The following ZFYVE16 variants were observed in gnomAD, a reference collection of about 807,000 sequenced individuals.
The protein encoded by ZFYVE16 is zinc finger FYVE domain-containing protein 16.
In ZFYVE16, 89 loss-of-function variants were observed where a neutral mutation model predicts 138.1. That is an observed-to-expected ratio of 0.64 (90% CI 0.54 to 0.77). ZFYVE16 has a LOEUF of 0.77. ZFYVE16 is among the 30% of genes least tolerant of loss of function. ZFYVE16 has a pLI of 0.00. For synonymous variants in ZFYVE16, 596 were observed against 618.3 expected (o/e 0.96, Z 0.53); for missense variants, 1,793 against 1,786.7 (o/e 1.00, Z -0.06).
chr5:80,459,338 C>T, intron 14 of ZFYVE16, 76 bp from the exon 15 acceptor site: 1 of 1,267,568 alleles, frequency 7.9e-7, no homozygotes, highest in South Asian at 1.3e-5. Context: ...TATGCATATC[C>T]ACATTCTGCA....
chr5:80,435,200 A>C (rs1749707535), intron 3 of ZFYVE16, among the ~76,000 whole-genome samples: 1 of 152,038 alleles, frequency 6.6e-6, no homozygotes, highest in Non-Finnish European at 1.5e-5. Flanking sequence ...ATGCCCAGCT[A>C]ATTTTTGTAT....
chr5:80,414,490 C>T (rs1325772823), intron 1 of ZFYVE16, among the ~76,000 whole-genome samples: 1 of 152,152 alleles, frequency 6.6e-6, no homozygotes, highest in South Asian at 2.1e-4. Context: ...GAATGGGATG[C>T]ACATATTTTG....
rs1353115569 is a variant in ZFYVE16, at chr5:80,478,401, A to G, written c.*1024A>G. 6.6e-6 allele frequency: 1 copy of G among 152,078 alleles called. No homozygotes were observed. The highest frequency in any genetic ancestry group is 1.5e-5 in the Non-Finnish European group (1 of 67,954). 9.4% of individuals were successfully genotyped at this position (152,078 alleles called of 1,614,324 possible). A position where few individuals can be genotyped will look rare whatever the true frequency, so the allele number is the denominator to read the frequency against. On this transcript the variant is annotated 3_prime_UTR_variant, in exon 19 of 19. Transcript: ENST00000505560. ...AACTAATTACTTTTGCATATTTTAA[A>G]TTCTTTATATGGTAGTTATTTTTTA... is the stretch of plus-strand genomic sequence containing the variant.
chr5:80,475,084 C>G (rs1040553561), intron 18 of ZFYVE16, among the ~76,000 whole-genome samples: 10 of 152,142 alleles, frequency 6.6e-5, no homozygotes, highest in African/African-American at 9.7e-5. Flanking sequence ...TCAACACTAC[C>G]ATTATATTGG....
rs1025299585 is a variant in ZFYVE16 at position 80,438,291 on chromosome 5, T to C, written c.1606T>C (p.Phe536Leu). ...AATTAGTGATGCTGAACTTGATGCC[T>C]TTCTGACAGAACAGTATCTTCAGAC... ...PLISDAELDA[F>L]LTEQYLQTTN... The change falls in exon 4 of 19, where the codon TTT (phenylalanine) becomes CTT (leucine). Residue 536 changes from phenylalanine (F) to leucine (L), a missense_variant. By Grantham distance (22) the Phe-to-Leu change is conservative. Transcript: ENST00000505560. 4 of 1,613,968 alleles carry C rather than the reference T, an allele frequency of 2.5e-6. No individual in the cohort carries two copies. The highest frequency in any genetic ancestry group is 3.4e-6 in the Non-Finnish European group (4 of 1,179,980).
chr5:80,463,921 A>G (rs535307279), intron 15 of ZFYVE16, among the ~76,000 whole-genome samples: 1 of 152,288 alleles, frequency 6.6e-6, no homozygotes, highest in African/African-American at 2.4e-5. Context: ...AGTCACCTTT[A>G]TTCTAGTTCC....
intron 10 of ZFYVE16, 64 bp from the exon 11 acceptor site, chr5:80,451,419 AAG>A: frequency 7.5e-7 from 1 of 1,332,978 alleles, no homozygotes; most frequent in Non-Finnish European, 1.0e-6. Context: ...TGGACAAACT[AAG>A]AACATTTCTT....
chr5:80,419,679 T>G (rs1746796908), intron 1 of ZFYVE16, among the ~76,000 whole-genome samples: 1 of 150,066 alleles, frequency 6.7e-6, no homozygotes, highest in Non-Finnish European at 1.5e-5. Flanking sequence ...GCCTGGCTGA[T>G]TCTTTCTCTT....
At position 80,410,863 on chromosome 5, in the gene ZFYVE16, C is replaced by T. The variant is rs996195451; in HGVS notation, c.-94+2710C>T. Among the ~76,000 whole-genome samples the T allele has an allele frequency of 1.2e-4, 18 of 149,738 alleles. No homozygotes were observed. In the South Asian group the frequency reaches 1.5e-3, roughly 13 times the overall value. On this transcript the variant is annotated intron_variant, in intron 1 of 18. Coordinates refer to ENST00000505560, the MANE Select transcript of ZFYVE16 (RefSeq NM_001284236.3). ...GATTGCAGGTACGAGCCACCTCACC[C>T]GACCTTAGGAAACGTGCTGTACTTT...
At chr5:80,415,996 A>G (rs1440575937) in intron 1 of ZFYVE16, among the ~76,000 whole-genome samples, 2 of 152,014 alleles carry the variant, frequency 1.3e-5, no homozygotes, top group Non-Finnish European at 2.9e-5. Context: ...AACCTTGATC[A>G]CTTGACTTGA....
intron 1 of ZFYVE16, among the ~76,000 whole-genome samples, chr5:80,418,717 T>G (rs1746626233): frequency 6.6e-6 from 1 of 152,222 alleles, no homozygotes; most frequent in Non-Finnish European, 1.5e-5. Context: ...ATGGCTTGTC[T>G]TCTTATTCTC....
In ZFYVE16 at chr5:80,459,486, T is replaced by G; in HGVS notation, c.4016T>G (p.Ile1339Arg). 1 of 1,609,444 alleles carries G rather than the reference T, an allele frequency of 6.2e-7. No individual in the cohort carries two copies. The highest frequency in any genetic ancestry group is 8.5e-7 in the Non-Finnish European group (1 of 1,177,878). Reference protein sequence around the residue: ...TSSGFLAKSSIVEDGLMVQIT... With the variant: ...TSSGFLAKSSRVEDGLMVQIT... ...TCAGGATTTCTTGCTAAGTCCAGCATAGTTGAAGGTATGAATTTCATTTTT... is the reference window on the plus strand; with the variant it reads ...TCAGGATTTCTTGCTAAGTCCAGCAGAGTTGAAGGTATGAATTTCATTTTT... The change falls in exon 15 of 19, where the codon ATA (isoleucine) becomes AGA (arginine). Residue 1339 changes from isoleucine to arginine, a missense_variant. Around this residue, in one of 2 missense-constraint regions of ZFYVE16, gnomAD observed 498 missense variants for 582.4 expected, o/e 0.86. Transcript: ENST00000505560.
At chr5:80,463,927 G>A (rs1160828532) in intron 15 of ZFYVE16, among the ~76,000 whole-genome samples, 1 of 152,100 alleles carries the variant, frequency 6.6e-6, no homozygotes, top group Non-Finnish European at 1.5e-5. Flanking sequence ...CTTTATTCTA[G>A]TTCCCAACAA....
chr5:80,436,694 AAT>A, intron 3 of ZFYVE16, 60 bp from the exon 4 acceptor site: 1 of 1,401,818 alleles, frequency 7.1e-7, no homozygotes, highest in Non-Finnish European at 9.7e-7. Flanking sequence ...TGGGAAACAT[AAT>A]ATGTTTAATA....
chr5:80,459,275 T>C, intron 14 of ZFYVE16, 139 bp from the exon 15 acceptor site: 1 of 585,498 alleles, frequency 1.7e-6, no homozygotes, highest in Middle Eastern at 4.4e-4. Context: ...TTTTGTCTTT[T>C]TAATTAGTTT....
chr5:80,433,979 A>T (rs1242028163), intron 2 of ZFYVE16, 130 bp from the exon 3 acceptor site: 5 of 580,944 alleles, frequency 8.6e-6, no homozygotes, highest in African/African-American at 1.9e-5. Context: ...TAAATTGTAT[A>T]TTCCTTAAAG....
At chr5:80,431,262 TG>T (rs1748973385) in intron 2 of ZFYVE16, among the ~76,000 whole-genome samples, 2 of 152,032 alleles carry the variant, frequency 1.3e-5, no homozygotes, top group South Asian at 4.2e-4. Context: ...GCTTCATCTC[TG>T]GGATGCAAGG....
chr5:80,409,423 A>G (rs918067683), intron 1 of ZFYVE16, among the ~76,000 whole-genome samples: 3 of 152,210 alleles, frequency 2.0e-5, no homozygotes, highest in Non-Finnish European at 4.4e-5. Flanking sequence ...TTGAGGACCA[A>G]TAGAGTTTTT....
rs374640901 is a variant in ZFYVE16, at chr5:80,461,203, T to C, written c.4024+1709T>C. On this transcript the variant is annotated intron_variant, in intron 15 of 18. Coordinates refer to ENST00000505560, the MANE Select transcript of ZFYVE16 (RefSeq NM_001284236.3). Reference sequence around the variant, plus strand: ...AGATGCTCAGCTGCTAAGTATATAATGCAAATATTCCAAAATCCAAAAAAA... The same window carrying C: ...AGATGCTCAGCTGCTAAGTATATAACGCAAATATTCCAAAATCCAAAAAAA... 3.0e-4 allele frequency among the ~76,000 whole-genome samples: 45 copies of C among 152,290 alleles called. No homozygotes were observed. The South Asian group carries it at 9.1e-3, about 31-fold the overall frequency.
Sources: allele counts gnomAD v4.1 joint callset (sites outside exome capture counted in the v4.1 genomes callset), GRCh38; gene constraint gnomAD v4.1.1; regional missense constraint gnomAD v4.1.1; transcripts MANE v1.5; gene names NCBI Gene and HGNC (gene_info 2026-07-23, HGNC 2026-07-21).